The following RORA variants were observed in gnomAD, a reference collection of about 807,000 sequenced individuals.
The protein encoded by RORA is RAR related orphan receptor A.
A neutral mutation model predicts 69.5 loss-of-function variants in RORA; 7 were observed. That is an observed-to-expected ratio of 0.10 (90% CI 0.06 to 0.19). RORA has a LOEUF of 0.19. Among genes scored for constraint, RORA ranks in the 10% least tolerant of loss-of-function variants. RORA has a pLI of 1.00. For synonymous variants in RORA, 261 were observed against 240.8 expected (o/e 1.08, Z -0.78); for missense variants, 457 against 663.0 (o/e 0.69, Z 3.41).
chr15:60,962,624 T>A (rs1893447269), intron 1 of RORA, among the ~76,000 whole-genome samples: 1 of 152,166 alleles, frequency 6.6e-6, no homozygotes, highest in Admixed American at 6.5e-5. Flanking sequence ...CTTGAAACAT[T>A]AGCACACCAT....
chr15:60,971,663 C>A (rs898632637), intron 1 of RORA, among the ~76,000 whole-genome samples: 3 of 152,234 alleles, frequency 2.0e-5, no homozygotes, highest in Non-Finnish European at 4.4e-5. Flanking sequence ...GCTCCCTTTT[C>A]TTCCTTTCTT....
intron 1 of RORA, among the ~76,000 whole-genome samples, chr15:60,680,664 T>C (rs1476905024): frequency 3.3e-5 from 5 of 152,342 alleles, no homozygotes; most frequent in Admixed American, 6.5e-5. Context: ...TACACTTATA[T>C]TGGAGTTGCC....
chr15:61,017,069 A>T (rs1038670193), intron 1 of RORA, among the ~76,000 whole-genome samples: 72 of 152,208 alleles, frequency 4.7e-4, no homozygotes, highest in Non-Finnish European at 2.4e-4. Context: ...TATAAACAAC[A>T]TCCAAACGAA....
chr15:60,570,619 C>T (rs1349014665), intron 2 of RORA, among the ~76,000 whole-genome samples: 2 of 152,000 alleles, frequency 1.3e-5, no homozygotes, highest in Admixed American at 6.6e-5. Flanking sequence ...CAAAGTGCTG[C>T]GATTACAGGT....
chr15:60,529,009 A>G (rs1567063174), intron 3 of RORA: 1 of 152,260 alleles, frequency 6.6e-6, no homozygotes, highest in Non-Finnish European at 1.5e-5. Flanking sequence ...AATGACAGAA[A>G]GAGCTACTAA....
chr15:60,927,421 G>A (rs576903023), intron 1 of RORA, among the ~76,000 whole-genome samples: 2 of 152,258 alleles, frequency 1.3e-5, no homozygotes, highest in East Asian at 3.9e-4. Flanking sequence ...TTTCAATTTC[G>A]AATATAGTCT....
intron 1 of RORA, among the ~76,000 whole-genome samples, chr15:60,923,893 A>C (rs557385705): frequency 1.3e-5 from 2 of 152,284 alleles, no homozygotes; most frequent in Non-Finnish European, 2.9e-5. Flanking sequence ...TGGAGTGGGC[A>C]AGGGCTCAGA....
intron 2 of RORA, among the ~76,000 whole-genome samples, chr15:60,624,487 T>C (rs1292778217): frequency 2.4e-5 from 3 of 122,760 alleles, no homozygotes; most frequent in African/African-American, 9.9e-5. Flanking sequence ...TATATATATA[T>C]ATATATATAT....
At chr15:61,096,268 C>T (rs1351530790) in intron 1 of RORA, among the ~76,000 whole-genome samples, 1 of 152,182 alleles carries the variant, frequency 6.6e-6, no homozygotes, top group Non-Finnish European at 1.5e-5. Context: ...CTGCAGCCTT[C>T]TCGGAATCGG....
intron 2 of RORA, among the ~76,000 whole-genome samples, chr15:60,641,686 C>T (rs2069947060): frequency 6.6e-6 from 1 of 152,188 alleles, no homozygotes; most frequent in African/African-American, 2.4e-5. Flanking sequence ...GCTGGGATTA[C>T]AGGCATGAAC....
chr15:60,802,566 A>ATG (rs927507547), intron 1 of RORA, among the ~76,000 whole-genome samples: 5 of 151,620 alleles, frequency 3.3e-5, no homozygotes, highest in South Asian at 2.1e-4. Context: ...TTAAGGCATA[A>ATG]TGTGTGTGTG....
chr15:60,812,309 G>C (rs2072755439), intron 1 of RORA, among the ~76,000 whole-genome samples: 1 of 152,136 alleles, frequency 6.6e-6, no homozygotes, highest in Non-Finnish European at 1.5e-5. Context: ...TTTGAGACCA[G>C]CCTGAGCAAC....
intron 2 of RORA, among the ~76,000 whole-genome samples, chr15:60,650,159 G>C (rs959826602): frequency 4.6e-5 from 7 of 151,640 alleles, no homozygotes; most frequent in African/African-American, 1.5e-4. Context: ...CTGAGAAAAA[G>C]CATTTTCCTT....
chr15:61,187,641 A>G (rs2079757249), intron 1 of RORA, among the ~76,000 whole-genome samples: 1 of 152,192 alleles, frequency 6.6e-6, no homozygotes, highest in South Asian at 2.1e-4. Flanking sequence ...CCAGTTTTTT[A>G]TGACCATTAA....
intron 1 of RORA, among the ~76,000 whole-genome samples, chr15:60,799,144 ACT>A (rs1227707354): frequency 6.6e-6 from 1 of 151,908 alleles, no homozygotes; most frequent in Non-Finnish European, 1.5e-5. Context: ...CTACACTCAG[ACT>A]CTCTATCTCT....
In RORA at chr15:60,501,015, A is replaced by G. The variant is rs1423020014; in HGVS notation, c.1238T>C (p.Met413Thr). ...VFEFGKSLCS[M>T]HLTEDEIALF... ...TGCAATTTCATCTTCAGTCAGGTGC[A>G]TAGAACATAAACTCTTTCCAAATTC... Residue 413 changes from methionine (M) to threonine (T), a missense_variant, in exon 9 of 11, where the codon ATG becomes ACG. By Grantham distance (81) the Met-to-Thr change is moderately conservative. Transcript: ENST00000335670. 2.5e-6 allele frequency: 4 copies of G among 1,611,572 alleles called. No homozygotes were observed. In the Admixed American group the frequency reaches 6.7e-5, roughly 27 times the overall value.
intron 1 of RORA, among the ~76,000 whole-genome samples, chr15:60,944,465 C>T (rs1412222218): frequency 2.0e-5 from 3 of 152,042 alleles, no homozygotes; most frequent in African/African-American, 7.2e-5. Context: ...GCCTGTAATC[C>T]CAGCACTTTG....
intron 1 of RORA, among the ~76,000 whole-genome samples, chr15:61,127,181 CT>C (rs1477722305): frequency 4.6e-5 from 7 of 152,222 alleles, no homozygotes; most frequent in Non-Finnish European, 1.0e-4. Flanking sequence ...ACTGTGCCCC[CT>C]GACCTTGAGT....
chr15:60,928,392 A>T lies in RORA; in HGVS notation c.167-249706T>A, dbSNP rs72752773. Among the ~76,000 whole-genome samples, 868 of 152,348 alleles carry T rather than the reference A, an allele frequency of 5.7e-3. 2 individuals are homozygous for T. The highest frequency in any genetic ancestry group is 8.8e-3 in the Non-Finnish European group (601 of 68,040). On this transcript the variant is annotated intron_variant, in intron 1 of 10. Transcript: ENST00000335670. The stretch of plus-strand genomic sequence containing the variant: ...ACAGGAAGTGCTAATCAGCTCCTGA[A>T]AACACAACCAACATTCTAGGCGGGA...
Sources: gnomAD v4.1 joint callset for allele counts (sites outside exome capture counted in the v4.1 genomes callset) on GRCh38, gnomAD v4.1.1 for gene constraint, MANE v1.5 for transcripts, NCBI Gene and HGNC (gene_info 2026-07-23, HGNC 2026-07-21) for gene names.